The following MACROD2 variants were observed in gnomAD, a reference collection of about 807,000 sequenced individuals.
The protein encoded by MACROD2 is ADP-ribose glycohydrolase MACROD2.
MACROD2 carries 36 observed loss-of-function variants against 70.4 expected under a neutral mutation model. The observed-to-expected ratio is 0.51, with a 90% CI of 0.39 to 0.68. The LOEUF (loss-of-function observed/expected upper bound fraction) is 0.68, where lower values mean the gene tolerates loss of function less well. Ranked by LOEUF, MACROD2 falls within the 30% of genes least tolerant of loss-of-function variation. MACROD2 has a pLI of 0.00. For synonymous variants in MACROD2, 172 were observed against 178.8 expected (o/e 0.96, Z 0.30); for missense variants, 496 against 538.4 (o/e 0.92, Z 0.78).
chr20:15,926,747 A>G (rs2065495479), intron 10 of MACROD2, among the ~76,000 whole-genome samples: 1 of 152,214 alleles, frequency 6.6e-6, no homozygotes, highest in Non-Finnish European at 1.5e-5. Flanking sequence ...TGCTGGAGGA[A>G]CAGCACAGAG....
At chr20:16,038,318 T>G (rs1239706829) in intron 15 of MACROD2, among the ~76,000 whole-genome samples, 1 of 151,918 alleles carries the variant, frequency 6.6e-6, no homozygotes, top group African/African-American at 2.4e-5. Flanking sequence ...TTTGGCAAAT[T>G]ATCAGACATT....
intron 8 of MACROD2, among the ~76,000 whole-genome samples, chr20:15,590,883 A>C (rs1245880698): frequency 6.6e-6 from 1 of 151,652 alleles, no homozygotes; most frequent in East Asian, 1.9e-4. Context: ...AAAAAAAAGA[A>C]AGAAAGAGAG....
intron 10 of MACROD2, among the ~76,000 whole-genome samples, chr20:15,915,250 G>T (rs1233768830): frequency 3.3e-5 from 5 of 152,048 alleles, no homozygotes; most frequent in South Asian, 2.1e-4. Context: ...TAGTCGCAAG[G>T]TTGGGTGCCC....
intron 10 of MACROD2, among the ~76,000 whole-genome samples, chr20:15,901,063 A>G (rs2065056392): frequency 6.6e-6 from 1 of 152,150 alleles, no homozygotes; most frequent in African/African-American, 2.4e-5. Context: ...TTTTAATGTG[A>G]ACAAAATACT....
chr20:15,865,837 G>C (rs1247987918), intron 9 of MACROD2, among the ~76,000 whole-genome samples: 1 of 152,210 alleles, frequency 6.6e-6, no homozygotes, highest in African/African-American at 2.4e-5. Context: ...CCTGGGGGCT[G>C]TCTTTATTAG....
At chr20:14,835,885 C>G (rs1216980662) in intron 5 of MACROD2, among the ~76,000 whole-genome samples, 2 of 152,048 alleles carry the variant, frequency 1.3e-5, no homozygotes, top group Non-Finnish European at 2.9e-5. Flanking sequence ...CTACACTCTT[C>G]CGCATGTAGC....
intron 8 of MACROD2, among the ~76,000 whole-genome samples, chr20:15,524,103 A>T (rs1225850529): frequency 6.6e-6 from 1 of 152,172 alleles, no homozygotes; most frequent in African/African-American, 2.4e-5. Context: ...GCTTTTGAAG[A>T]ACACTGAAGA....
chr20:14,492,832 C>A (rs867598188), intron 3 of MACROD2, among the ~76,000 whole-genome samples: 1 of 152,012 alleles, frequency 6.6e-6, no homozygotes, highest in African/African-American at 2.4e-5. Context: ...AATGGAACTT[C>A]CTAAAAATTT....
chr20:14,155,595 T>C (rs959776112), intron 3 of MACROD2, among the ~76,000 whole-genome samples: 5 of 152,206 alleles, frequency 3.3e-5, no homozygotes, highest in African/African-American at 1.2e-4. Flanking sequence ...TAGTCTGGCT[T>C]TATTTAAACA....
intron 3 of MACROD2, among the ~76,000 whole-genome samples, chr20:14,388,388 G>A (rs1235199433): frequency 6.6e-6 from 1 of 152,070 alleles, no homozygotes; most frequent in African/African-American, 2.4e-5. Context: ...GGACTCTGAT[G>A]TCACCCCACA....
intron 8 of MACROD2, among the ~76,000 whole-genome samples, chr20:15,799,687 T>C (rs1163955742): frequency 1.3e-5 from 2 of 152,198 alleles, no homozygotes; most frequent in East Asian, 3.8e-4. Context: ...TATCCATTCA[T>C]TCGTTAATGG....
chr20:15,440,020 T>G (rs1190880030), intron 7 of MACROD2, among the ~76,000 whole-genome samples: 1 of 152,134 alleles, frequency 6.6e-6, no homozygotes, highest in Non-Finnish European at 1.5e-5. Context: ...ATTTTGACAC[T>G]CTAATGCTAA....
chr20:15,046,305 A>G (rs1460200778), intron 5 of MACROD2, among the ~76,000 whole-genome samples: 2 of 152,202 alleles, frequency 1.3e-5, no homozygotes, highest in Non-Finnish European at 2.9e-5. Context: ...CTAAAGCTAT[A>G]ACTCTTACCT....
chr20:14,867,860 T>G (rs1052314061), intron 5 of MACROD2, among the ~76,000 whole-genome samples: 3 of 152,028 alleles, frequency 2.0e-5, no homozygotes, highest in African/African-American at 7.2e-5. Flanking sequence ...CTGCTCCCAG[T>G]TTCATCTTTA....
chr20:15,244,635 G>A (rs1424168794), intron 6 of MACROD2, among the ~76,000 whole-genome samples: 3 of 152,140 alleles, frequency 2.0e-5, no homozygotes, highest in Non-Finnish European at 2.9e-5. Context: ...TTGGCCAAAA[G>A]GCATAGTATT....
chr20:14,192,629 G>A (rs147899881), intron 3 of MACROD2, among the ~76,000 whole-genome samples: 2 of 152,242 alleles, frequency 1.3e-5, no homozygotes, highest in Non-Finnish European at 2.9e-5. Context: ...GGGGTCTGAG[G>A]TGACATAGTG....
chr20:14,608,051 G>A (rs536749014), intron 4 of MACROD2, among the ~76,000 whole-genome samples: 135 of 152,100 alleles, frequency 8.9e-4, no homozygotes, highest in African/African-American at 3.0e-3. Flanking sequence ...TCAGGAGTTC[G>A]ACATCAGCCT....
chr20:14,082,387 T>A (rs2054011066), intron 2 of MACROD2, among the ~76,000 whole-genome samples: 1 of 148,764 alleles, frequency 6.7e-6, no homozygotes, highest in Non-Finnish European at 1.5e-5. Flanking sequence ...AGAGACGGAG[T>A]TTCACCATGT....
intron 8 of MACROD2, among the ~76,000 whole-genome samples, chr20:15,740,614 C>T (rs6034277): frequency 0.13 from 19,797 of 152,026 alleles, 2,416 homozygotes; most frequent in African/African-American, 0.33. Flanking sequence ...AGTCAACTGC[C>T]ACTCTATTTG....
Sources: allele counts gnomAD v4.1 joint callset (sites outside exome capture counted in the v4.1 genomes callset), GRCh38; gene constraint gnomAD v4.1.1; transcripts MANE v1.5; gene names NCBI Gene and HGNC (gene_info 2026-07-23, HGNC 2026-07-21).